PPARGC1A: variants seen among roughly 807,000 people sequenced by gnomAD.
PPARGC1A encodes the protein peroxisome proliferator-activated receptor gamma coactivator 1-alpha.
PPARGC1A carries 25 observed loss-of-function variants against 88.7 expected under a neutral mutation model. That is an observed-to-expected ratio of 0.28 (90% CI 0.21 to 0.39). The LOEUF (loss-of-function observed/expected upper bound fraction) is 0.39. PPARGC1A is among the 10% of genes least tolerant of loss of function. PPARGC1A has a pLI of 1.00. For synonymous variants in PPARGC1A, 363 were observed against 355.6 expected (o/e 1.02, Z -0.24); for missense variants, 880 against 968.7 (o/e 0.91, Z 1.22).
chr4:24,124,731 T>C, the PPARGC1A span, among the ~76,000 whole-genome samples: 10 of 152,094 alleles, frequency 6.6e-5, no homozygotes, highest in Admixed American at 1.3e-4. Flanking sequence ...GCAAACTAAA[T>C]TACTAATCAA....
At chr4:24,302,001 T>G in the PPARGC1A span, among the ~76,000 whole-genome samples, 3 of 152,198 alleles carry the variant, frequency 2.0e-5, no homozygotes, top group Non-Finnish European at 4.4e-5. Flanking sequence ...CAATGCTGTT[T>G]GTTTCTGCAT....
chr4:23,953,044 T>C, the PPARGC1A span, among the ~76,000 whole-genome samples: 2 of 152,050 alleles, frequency 1.3e-5, no homozygotes, highest in Non-Finnish European at 2.9e-5. Context: ...CATTAAAGTT[T>C]GCTATAACTT....
chr4:24,409,137 T>A, the PPARGC1A span, among the ~76,000 whole-genome samples: 1 of 152,224 alleles, frequency 6.6e-6, no homozygotes, highest in Non-Finnish European at 1.5e-5. Flanking sequence ...AATAAAAAGT[T>A]GTTTTTTTAA....
At chr4:23,831,249 C>T (rs1384880728) in intron 3 of PPARGC1A, among the ~76,000 whole-genome samples, 1 of 152,144 alleles carries the variant, frequency 6.6e-6, no homozygotes, top group Non-Finnish European at 1.5e-5. Context: ...AATTTTTAGT[C>T]TTTTCCTTTT....
At chr4:24,332,584 C>T in the PPARGC1A span, among the ~76,000 whole-genome samples, 1 of 152,132 alleles carries the variant, frequency 6.6e-6, no homozygotes, top group Non-Finnish European at 1.5e-5. Context: ...TCAATATGTG[C>T]AAGAACTCAG....
intron 7 of PPARGC1A, among the ~76,000 whole-genome samples, chr4:23,821,462 A>G (rs1722998741): frequency 6.6e-6 from 1 of 151,946 alleles, no homozygotes; most frequent in Non-Finnish European, 1.5e-5. Flanking sequence ...GTTCAATTTG[A>G]TGTGAAAATA....
chr4:24,402,402 A>G, the PPARGC1A span, among the ~76,000 whole-genome samples: 1 of 152,218 alleles, frequency 6.6e-6, no homozygotes, highest in African/African-American at 2.4e-5. Flanking sequence ...GCCGCCATTT[A>G]ACAAACACTT....
chr4:24,021,021 T>C, the PPARGC1A span, among the ~76,000 whole-genome samples: 1 of 152,194 alleles, frequency 6.6e-6, no homozygotes, highest in South Asian at 2.1e-4. Context: ...CTGCCCAGTC[T>C]TCTTGGCAAC....
At chr4:24,039,499 T>C in the PPARGC1A span, among the ~76,000 whole-genome samples, 1 of 152,278 alleles carries the variant, frequency 6.6e-6, no homozygotes, top group East Asian at 1.9e-4. Flanking sequence ...TATTGCTTAA[T>C]CCCTTGCTTT....
chr4:24,039,937 A>G, the PPARGC1A span, among the ~76,000 whole-genome samples: 2 of 152,132 alleles, frequency 1.3e-5, no homozygotes, highest in African/African-American at 4.8e-5. Flanking sequence ...TTTCATTTAA[A>G]TGCTATTGAC....
chr4:24,306,476 T>C, the PPARGC1A span, among the ~76,000 whole-genome samples: 2 of 152,196 alleles, frequency 1.3e-5, no homozygotes, highest in East Asian at 3.8e-4. Context: ...GACTGGGTCA[T>C]AGGTTTACTC....
chr4:24,113,748 G>A, the PPARGC1A span, among the ~76,000 whole-genome samples: 1 of 152,070 alleles, frequency 6.6e-6, no homozygotes, highest in African/African-American at 2.4e-5. Flanking sequence ...GTAACACTTA[G>A]TGTGAAGATG....
intron 2 of PPARGC1A, among the ~76,000 whole-genome samples, chr4:23,852,844 CCAGA>C (rs1289625544): frequency 1.9e-4 from 29 of 152,162 alleles, no homozygotes; most frequent in Middle Eastern, 6.8e-3. Flanking sequence ...GACACATGAC[CCAGA>C]CAGGCATATG....
the PPARGC1A span, among the ~76,000 whole-genome samples, chr4:24,013,889 C>T: frequency 6.6e-6 from 1 of 152,238 alleles, no homozygotes; most frequent in Non-Finnish European, 1.5e-5. Context: ...CCCTCATCAA[C>T]ATTCAAGGCA....
the PPARGC1A span, among the ~76,000 whole-genome samples, chr4:24,342,272 C>T: frequency 1.2e-3 from 183 of 152,038 alleles, 2 homozygotes; most frequent in Middle Eastern, 6.8e-3. Context: ...TTGGCTAATT[C>T]AAGTTTCAAA....
the PPARGC1A span, among the ~76,000 whole-genome samples, chr4:24,360,607 G>T: frequency 6.6e-6 from 1 of 152,198 alleles, no homozygotes; most frequent in African/African-American, 2.4e-5. Context: ...AACAGTACCT[G>T]GCTCATCAAA....
At chr4:23,906,158 G>T (rs1432296086), upstream of PPARGC1A, among the ~76,000 whole-genome samples, 2 of 152,142 alleles carry the variant, frequency 1.3e-5, no homozygotes, top group African/African-American at 4.8e-5. Context: ...AACTTGGGGT[G>T]TCTGATTCAG....
chr4:24,299,959 GT>G, the PPARGC1A span, among the ~76,000 whole-genome samples: 1 of 152,112 alleles, frequency 6.6e-6, no homozygotes, highest in Non-Finnish European at 1.5e-5. Flanking sequence ...AATCACATGG[GT>G]TTTTGTTTGT....
At chr4:23,927,078 T>C in the PPARGC1A span, among the ~76,000 whole-genome samples, 1 of 152,226 alleles carries the variant, frequency 6.6e-6, no homozygotes, top group Non-Finnish European at 1.5e-5. Flanking sequence ...ACATCTAACC[T>C]ACAACCTAGC....
Sources: allele counts gnomAD v4.1 joint callset (sites outside exome capture counted in the v4.1 genomes callset), GRCh38; gene constraint gnomAD v4.1.1; transcripts MANE v1.5; gene names NCBI Gene and HGNC (gene_info 2026-07-23, HGNC 2026-07-21).